Variants in PABPC1L observed in about 807,000 individuals in gnomAD.
PABPC1L encodes the protein polyadenylate-binding protein 1-like.
PABPC1L carries 31 observed loss-of-function variants against 66.6 expected under a neutral mutation model. The ratio of observed to expected loss-of-function variants is 0.47; its 90% CI spans 0.35 to 0.63. The LOEUF is 0.63. Ranked by LOEUF, PABPC1L falls within the 20% of genes least tolerant of loss-of-function variation. The pLI is 0.00. For missense variants in PABPC1L, 722 were observed against 848.8 expected (o/e 0.85, Z 1.86); for synonymous variants, 348 against 335.1 (o/e 1.04, Z -0.42).
Position 44,923,495 on chromosome 20 carries a change from T to G in PABPC1L, c.877-666T>G, listed in dbSNP as rs148658446. 2.6e-3 allele frequency among the ~76,000 whole-genome samples: 388 copies of G among 151,924 alleles called. 2 individuals are homozygous for G. The highest frequency in any genetic ancestry group is 3.4e-3 in the Non-Finnish European group (231 of 67,930). On this transcript the variant is annotated intron_variant, in intron 6 of 14. Transcript: ENST00000217073. ...AAATACAAAGTTAGCTGGGTCTGGT[T>G]GCACGTACCTGTAATCCCAGCTACT...
At chr20:44,925,461 G>C (rs2066803356) in intron 7 of PABPC1L, among the ~76,000 whole-genome samples, 1 of 152,178 alleles carries the variant, frequency 6.6e-6, no homozygotes, top group East Asian at 1.9e-4. Flanking sequence ...AGAAGGGAAG[G>C]CTGCCTGGAA....
In PABPC1L at chr20:44,936,690, G is replaced by A. The variant is rs1443009741; in HGVS notation, c.1620G>A (p.Met540Ile). Residue 540 changes from methionine to isoleucine, a missense_variant, in exon 12 of 15, where the codon ATG becomes ATA. This residue lies in a region of PABPC1L where 301 missense variants were observed against 337.2 expected (regional missense o/e 0.89). Transcript: ENST00000217073. Reference sequence around the variant, plus strand: ...GACAGGAGCCCCTGACCGCGTCCATGCTGGCTGCGGCGCCCCTGCATGAGC... The same window carrying A: ...GACAGGAGCCCCTGACCGCGTCCATACTGGCTGCGGCGCCCCTGCATGAGC... The part of the protein sequence containing the change: ...IPGQEPLTAS[M>I]LAAAPLHEQK... 1.9e-6 allele frequency: 3 copies of A among 1,608,618 alleles called. No homozygotes were observed. In the South Asian group the frequency reaches 3.4e-5, roughly 18 times the overall value.
Position 44,910,163 on chromosome 20 carries a change from G to C in PABPC1L, c.20G>C (p.Gly7Ala), listed in dbSNP as rs1163097506. The C allele has an allele frequency of 6.4e-7, 1 of 1,571,544 alleles. No homozygotes were observed. The change falls in exon 1 of 15, where the codon GGC becomes GCC. Residue 7 changes from glycine (G) to alanine (A), a missense_variant. Physicochemically the swap from Gly to Ala is moderately conservative, Grantham distance 60 (BLOSUM62 0). Coordinates refer to ENST00000217073, the MANE Select transcript of PABPC1L (RefSeq NM_001372179.1). MNASGSGYPLASLYVGD... is the reference protein window; with the variant it reads MNASGSAYPLASLYVGD... Reference sequence around the variant, plus strand: ...CCCACCATGAACGCCAGCGGTTCTGGCTACCCGCTTGCCTCGCTTTACGTG... The same window carrying C: ...CCCACCATGAACGCCAGCGGTTCTGCCTACCCGCTTGCCTCGCTTTACGTG...
At chr20:44,937,973 T>G in intron 12 of PABPC1L, 88 bp from the exon 13 acceptor site, 1 of 1,567,212 alleles carries the variant, frequency 6.4e-7, no homozygotes, top group Non-Finnish European at 8.7e-7. Context: ...AGAACCCAGA[T>G]GTCCTCAGTG....
At chr20:44,917,709 C>T (rs937223461) in intron 3 of PABPC1L, among the ~76,000 whole-genome samples, 1 of 152,130 alleles carries the variant, frequency 6.6e-6, no homozygotes, top group East Asian at 1.9e-4. Context: ...GGCCAGCTCA[C>T]ATGGTCAGGG....
intron 2 of PABPC1L, among the ~76,000 whole-genome samples, chr20:44,915,284 G>T (rs1346744119): frequency 6.6e-6 from 1 of 152,208 alleles, no homozygotes; most frequent in Non-Finnish European, 1.5e-5. Flanking sequence ...GGCAGTGCTT[G>T]TCATCCAGGC....
chr20:44,924,447 A>G (rs2066795030), intron 7 of PABPC1L, among the ~76,000 whole-genome samples, 191 bp downstream of exon 7: 1 of 152,172 alleles, frequency 6.6e-6, no homozygotes, highest in African/African-American at 2.4e-5. Flanking sequence ...CTGGAGGGGA[A>G]GAGGGTAGAA....
intron 7 of PABPC1L, among the ~76,000 whole-genome samples, chr20:44,927,210 A>G (rs2066815812): frequency 6.6e-6 from 1 of 151,942 alleles, no homozygotes; most frequent in South Asian, 2.1e-4. Flanking sequence ...TATAAAAATA[A>G]TTATGAAAAT....
Position 44,933,095 on chromosome 20 carries a change from G to C in PABPC1L, c.1369G>C (p.Val457Leu). 8 of 1,603,798 alleles carry C rather than the reference G, an allele frequency of 5.0e-6. No individual in the cohort carries two copies. The highest frequency in any genetic ancestry group is 6.8e-6 in the Non-Finnish European group (8 of 1,176,178). ...AGGTGCCTCAATGGTCCGGCCACCA[G>C]TTGTGCCTCGGCGCCCCCCGGCCCA... ...PPGASMVRPP[V>L]VPRRPPAHIS... The change falls in exon 10 of 15, where the codon GTT becomes CTT. Residue 457 changes from valine to leucine, a missense_variant. Around this residue, in one of 3 missense-constraint regions of PABPC1L, gnomAD observed 301 missense variants for 337.2 expected, o/e 0.89. Coordinates refer to ENST00000217073, the MANE Select transcript of PABPC1L (RefSeq NM_001372179.1).
rs2066695327 is a variant in PABPC1L, at chr20:44,910,337, G to A, written c.193+1G>A. ...ATCAACTTCCAGCAGCCCGCGGACG[G>A]TGAGCCCCGGGGATGGGGCGGGAGG... On this transcript the variant is annotated splice_donor_variant, in intron 1 of 14. Coordinates refer to ENST00000217073, the MANE Select transcript of PABPC1L (RefSeq NM_001372179.1). LOFTEE classifies it high-confidence loss of function. 2.0e-6 allele frequency: 3 copies of A among 1,504,448 alleles called. No individual in the cohort carries two copies. The highest frequency in any genetic ancestry group is 2.7e-6 in the Non-Finnish European group (3 of 1,118,964). The allele number at this position is 1,504,448 out of a possible 1,614,324, so 93.2% of individuals were successfully genotyped here.
chr20:44,927,319 C>T (rs934236875), intron 7 of PABPC1L, among the ~76,000 whole-genome samples: 5 of 151,776 alleles, frequency 3.3e-5, no homozygotes, highest in South Asian at 2.1e-4. Flanking sequence ...TATTAACTAC[C>T]GACTGCCAGA....
In PABPC1L at chr20:44,930,715, GC is replaced by G; in HGVS notation, c.1230del (p.Met411CysfsTer16). The G allele has an allele frequency of 5.6e-6, 9 of 1,613,210 alleles. No homozygotes were observed. Among genetic ancestry groups the G allele is most frequent in the Non-Finnish European group, 6.8e-6 (8 of 1,179,802 alleles). ...GCAGCCCTCCAGCTACTTCCTGCCT[GC>G]CATGCCCCAGGTGACGGCCTGCCCG... is the stretch of plus-strand genomic sequence containing the variant. ...FQQPSSYFLP[A>X]MPQPPAQAAY... On this transcript the variant is annotated frameshift_variant, in exon 8 of 15. Transcript: ENST00000217073. LOFTEE classifies it high-confidence loss of function.
At chr20:44,926,695 C>T (rs1028603297) in intron 7 of PABPC1L, among the ~76,000 whole-genome samples, 2 of 151,368 alleles carry the variant, frequency 1.3e-5, no homozygotes, top group African/African-American at 2.4e-5. Flanking sequence ...TACAGGCGCC[C>T]GCCACCAAGC....
In PABPC1L at chr20:44,934,506, G is replaced by A. The variant is rs559211126; in HGVS notation, c.1460-885G>A. ...CTCGTTCCTCCTCCCGCTAGCCCTT[G>A]GCAACTGCCATTCTACTTTGTCTCT... is the stretch of plus-strand genomic sequence containing the variant. On this transcript the variant is annotated intron_variant, in intron 10 of 14. Transcript: ENST00000217073. Among the ~76,000 whole-genome samples, 18 of 152,254 alleles carry A rather than the reference G, an allele frequency of 1.2e-4. No individual in the cohort carries two copies. The South Asian group carries it at 3.5e-3, about 30-fold the overall frequency.
chr20:44,914,368 A>G (rs1250593265), intron 2 of PABPC1L, among the ~76,000 whole-genome samples: 1 of 151,892 alleles, frequency 6.6e-6, no homozygotes, highest in African/African-American at 2.4e-5. Flanking sequence ...CACCACGCCC[A>G]GCTAATTTTT....
chr20:44,924,020 G>C (rs538717360), intron 6 of PABPC1L, 141 bp from the exon 7 acceptor site: 31 of 691,850 alleles, frequency 4.5e-5, no homozygotes, highest in Non-Finnish European at 6.5e-5. Context: ...GGGTACCTGG[G>C]TGCTGAGGGA....
chr20:44,922,898 G>A (rs2066784193), intron 6 of PABPC1L, among the ~76,000 whole-genome samples: 1 of 152,208 alleles, frequency 6.6e-6, no homozygotes, highest in Non-Finnish European at 1.5e-5. Context: ...ATCCTACAGT[G>A]CCCAGGACAA....
At position 44,930,500 on chromosome 20, in the gene PABPC1L, T is replaced by C; in HGVS notation, c.1013T>C (p.Val338Ala). Residue 338 changes from valine to alanine, a missense_variant, in exon 8 of 15, where the codon GTG becomes GCG. Coordinates refer to ENST00000217073, the MANE Select transcript of PABPC1L (RefSeq NM_001372179.1). Reference sequence around the variant, plus strand: ...GGCCACAGCAAGGGGTTTGGCTTTGTGTGTTTTTCCTCCCCAGAAGAGGCG... The same window carrying C: ...GGCCACAGCAAGGGGTTTGGCTTTGCGTGTTTTTCCTCCCCAGAAGAGGCG... ...EGGHSKGFGF[V>A]CFSSPEEATK... The C allele has an allele frequency of 2.5e-6, 4 of 1,614,208 alleles. No homozygotes were observed. Among genetic ancestry groups the C allele is most frequent in the Non-Finnish European group, 3.4e-6 (4 of 1,180,028 alleles).
chr20:44,915,446 T>C (rs2066731644), intron 2 of PABPC1L, among the ~76,000 whole-genome samples: 1 of 152,168 alleles, frequency 6.6e-6, no homozygotes, highest in African/African-American at 2.4e-5. Context: ...TCTCAAGTTC[T>C]GTCCTGCTGG....
Sources: allele counts gnomAD v4.1 joint callset (sites outside exome capture counted in the v4.1 genomes callset), GRCh38; gene constraint gnomAD v4.1.1; regional missense constraint gnomAD v4.1.1; transcripts MANE v1.5; gene names NCBI Gene and HGNC (gene_info 2026-07-23, HGNC 2026-07-21).